The following KCMF1 variants were observed in gnomAD, a reference collection of about 807,000 sequenced individuals.
KCMF1 encodes E3 ubiquitin-protein ligase KCMF1.
A neutral mutation model predicts 41.1 loss-of-function variants in KCMF1; 3 were observed. That is an observed-to-expected ratio of 0.07 (90% CI 0.03 to 0.19). The LOEUF is 0.19. Ranked by LOEUF, KCMF1 falls within the 10% of genes least tolerant of loss-of-function variation. KCMF1 has a pLI of 1.00. For missense variants in KCMF1, 286 were observed against 488.9 expected, an observed-to-expected ratio of 0.58 and a Z score of 3.91; for synonymous variants, 142 against 164.5, an observed-to-expected ratio of 0.86 and a Z score of 1.04.
intron 1 of KCMF1, among the ~76,000 whole-genome samples, chr2:85,023,350 A>T (rs1574030406): frequency 8.9e-6 from 1 of 112,678 alleles, no homozygotes; most frequent in African/African-American, 3.5e-5. Context: ...GGAGTCTCGC[A>T]CTTTCTCGCC....
At chr2:84,987,425 A>T (rs1673930983) in intron 1 of KCMF1, among the ~76,000 whole-genome samples, 1 of 152,242 alleles carries the variant, frequency 6.6e-6, no homozygotes. Flanking sequence ...TCGTCACAGG[A>T]ACAGAAAGAA....
intron 4 of KCMF1, among the ~76,000 whole-genome samples, chr2:85,045,375 G>A (rs1675639088): frequency 6.6e-6 from 1 of 152,064 alleles, no homozygotes; most frequent in Admixed American, 6.6e-5. Context: ...ACACCTGAAG[G>A]CCTCTTGGAG....
Position 84,971,399 on chromosome 2 carries a change from G to A in KCMF1, c.-53G>A. 1.7e-6 allele frequency: 2 copies of A among 1,146,770 alleles called. No individual in the cohort carries two copies. The highest frequency in any genetic ancestry group is 2.9e-5 in the South Asian group (1 of 34,514). The allele number at this position is 1,146,770 out of a possible 1,614,324, so 71.0% of individuals were successfully genotyped here. ...GCGGGCAGCGCCGGGACCCCGCGGG[G>A]GACACTGCAGCCGGAGCCCGGGAGG... On this transcript the variant is annotated 5_prime_UTR_variant, in exon 1 of 7. Transcript: ENST00000409785.
intron 2 of KCMF1, among the ~76,000 whole-genome samples, chr2:85,029,594 A>G (rs566018507): frequency 1.2e-3 from 174 of 151,086 alleles, no homozygotes; most frequent in Non-Finnish European, 2.2e-3. Context: ...GCAAGACGCT[A>G]TCTCAAAAAA....
intron 1 of KCMF1, among the ~76,000 whole-genome samples, chr2:84,984,825 AAAAG>A (rs535946994): frequency 6.8e-4 from 102 of 148,966 alleles, no homozygotes; most frequent in African/African-American, 2.2e-3. Context: ...CTCTGTCTCA[AAAAG>A]AAAGAAAGAA....
chr2:85,047,192 C>T (rs1057501627), intron 5 of KCMF1, among the ~76,000 whole-genome samples: 6 of 152,078 alleles, frequency 3.9e-5, no homozygotes, highest in African/African-American at 1.4e-4. Flanking sequence ...TTTGTGGCCT[C>T]TATTGAAGCC....
intron 3 of KCMF1, among the ~76,000 whole-genome samples, chr2:85,042,082 C>G (rs1002009882): frequency 7.2e-5 from 11 of 152,188 alleles, no homozygotes; most frequent in African/African-American, 2.7e-4. Context: ...ATAGGCAGGT[C>G]TATCTACTTC....
intron 1 of KCMF1, among the ~76,000 whole-genome samples, chr2:84,993,611 T>C (rs1316596089): frequency 1.3e-5 from 2 of 151,772 alleles, no homozygotes; most frequent in Non-Finnish European, 2.9e-5. Context: ...ATTTTACTCT[T>C]GTGCCCCAGG....
At chr2:84,974,691 ATTTTTT>A (rs869056943) in intron 1 of KCMF1, among the ~76,000 whole-genome samples, 9 of 14,672 alleles carry the variant, frequency 6.1e-4, no homozygotes, top group Admixed American at 1.8e-3. Flanking sequence ...ATATATATAT[ATTTTTT>A]TTTTTTTTTT....
chr2:84,997,339 G>T (rs1674199692), intron 1 of KCMF1, among the ~76,000 whole-genome samples: 2 of 152,006 alleles, frequency 1.3e-5, no homozygotes, highest in South Asian at 4.1e-4. Flanking sequence ...TTCCCCAAAA[G>T]ATACTCATTT....
At chr2:85,006,971 A>C (rs1674486556) in intron 1 of KCMF1, among the ~76,000 whole-genome samples, 1 of 151,622 alleles carries the variant, frequency 6.6e-6, no homozygotes, top group East Asian at 1.9e-4. Context: ...AGCCAGGCAC[A>C]TGCCTGTAAT....
rs34687477 is a variant in KCMF1 at position 84,982,389 on chromosome 2, C to CTTTTTTTTTTTTTTTTTTTTTT, written c.16+10934_16+10955dup. Among the ~76,000 whole-genome samples the CTTTTTTTTTTTTTTTTTTTTTT allele has an allele frequency of 1.1e-4, 5 of 47,254 alleles. 1 individual carries two copies. The highest frequency in any genetic ancestry group is 3.6e-4 in the African/African-American group (4 of 11,222). The allele number at this position is 47,254 out of a possible 152,430, so 31.0% of individuals were successfully genotyped here. Reference sequence around the variant, plus strand: ...GAGTTACAGATGTGTTCCTTATTTTCTTTTTTTTTTTTTTTTTTTTTTTTT... The same window carrying CTTTTTTTTTTTTTTTTTTTTTT: ...GAGTTACAGATGTGTTCCTTATTTTCTTTTTTTTTTTTTTTTTTTTTTTTTTTTTTTTTTTTTTTTTTTTTTT... On this transcript the variant is annotated intron_variant, in intron 1 of 6. Transcript: ENST00000409785.
chr2:85,041,694 T>C (rs955810943), intron 3 of KCMF1, among the ~76,000 whole-genome samples: 3 of 152,018 alleles, frequency 2.0e-5, no homozygotes, highest in African/African-American at 4.8e-5. Flanking sequence ...ATGATGAGTC[T>C]CTAAGGTAGC....
At chr2:84,973,603 A>G (rs1305730591) in intron 1 of KCMF1, among the ~76,000 whole-genome samples, 1 of 152,200 alleles carries the variant, frequency 6.6e-6, no homozygotes, top group East Asian at 1.9e-4. Flanking sequence ...GGCCTAAGAC[A>G]GGAATAGCAG....
intron 1 of KCMF1, among the ~76,000 whole-genome samples, chr2:84,982,682 G>A (rs575337638): frequency 5.9e-5 from 9 of 152,220 alleles, no homozygotes; most frequent in African/African-American, 1.4e-4. Flanking sequence ...TACAGGCTGA[G>A]CCACCATGCC....
At chr2:84,974,709 T>A (rs1673501652) in intron 1 of KCMF1, among the ~76,000 whole-genome samples, 4 of 94,118 alleles carry the variant, frequency 4.2e-5, no homozygotes, top group African/African-American at 1.6e-4. Flanking sequence ...TTTTTTTTTT[T>A]TTTTTTTTTT....
chr2:85,051,918 G>GAT (rs1211811680), intron 6 of KCMF1, among the ~76,000 whole-genome samples: 2 of 152,198 alleles, frequency 1.3e-5, no homozygotes, highest in Non-Finnish European at 2.9e-5. Context: ...GCTCTTATGT[G>GAT]ATATATATAG....
rs186516089 is a variant in KCMF1 at position 84,985,770 on chromosome 2, A to G, written c.16+14303A>G. On this transcript the variant is annotated intron_variant, in intron 1 of 6. Coordinates refer to ENST00000409785, the MANE Select transcript of KCMF1 (RefSeq NM_020122.5). ...CTTGAAACCAGAAGGCGGAGGTTGC[A>G]GTGAGCCGAGATTGTGTCACTGCAC... is the stretch of plus-strand genomic sequence containing the variant. Among the ~76,000 whole-genome samples the G allele has an allele frequency of 6.3e-3, 948 of 151,648 alleles. 9 individuals are homozygous for G. Among genetic ancestry groups the G allele is most frequent in the Middle Eastern group, 0.034 (10 of 294 alleles).
chr2:85,017,262 A>G (rs1317982111), intron 1 of KCMF1, among the ~76,000 whole-genome samples: 2 of 149,830 alleles, frequency 1.3e-5, no homozygotes, highest in East Asian at 2.0e-4. Flanking sequence ...TCCTGACCTC[A>G]TGATCCACCC....
Sources: allele counts gnomAD v4.1 joint callset (sites outside exome capture counted in the v4.1 genomes callset), GRCh38; gene constraint gnomAD v4.1.1; transcripts MANE v1.5; gene names NCBI Gene and HGNC (gene_info 2026-07-23, HGNC 2026-07-21).